The following RB1CC1 variants were observed in gnomAD, a reference collection of about 807,000 sequenced individuals.
The protein encoded by RB1CC1 is RB1-inducible coiled-coil protein 1.
In RB1CC1, 46 loss-of-function variants were observed where a neutral mutation model predicts 177.5. The observed-to-expected ratio is 0.26, with a 90% confidence interval of 0.20 to 0.33. The LOEUF (loss-of-function observed/expected upper bound fraction) is 0.33, where lower values mean the gene tolerates loss of function less well. Ranked by LOEUF, RB1CC1 falls within the 10% of genes least tolerant of loss-of-function variation. The probability of loss-of-function intolerance (pLI) is 1.00; values close to 1 mark genes in which losing one functional copy is unlikely to be tolerated. For synonymous variants in RB1CC1, 666 were observed against 613.6 expected, an observed-to-expected ratio of 1.09 and a Z score of -1.26; for missense variants, 1,703 against 1,816.3, an observed-to-expected ratio of 0.94 and a Z score of 1.13.
intron 1 of RB1CC1, among the ~76,000 whole-genome samples, chr8:52,696,430 A>G (rs1855418352): frequency 6.6e-6 from 1 of 152,220 alleles, no homozygotes; most frequent in African/African-American, 2.4e-5. Flanking sequence ...AGCCTGGAAC[A>G]TCTTAATATG....
Position 52,714,118 on chromosome 8 carries a change from C to T in RB1CC1, c.-210G>A. On this transcript the variant is annotated 5_prime_UTR_variant, in exon 1 of 24. Transcript: ENST00000025008. ...TCGCCGGCGGCAGCAGCAGAGCCAG[C>T]GACCCCCGGCACCATCTTCCGCCGC... is the stretch of plus-strand genomic sequence containing the variant. The T allele has an allele frequency of 8.9e-6, 3 of 338,376 alleles. No individual in the cohort carries two copies. Among genetic ancestry groups the T allele is most frequent in the Non-Finnish European group, 1.8e-5 (3 of 165,572 alleles). The allele number at this position is 338,376 out of a possible 1,614,324, so 21.0% of individuals were successfully genotyped here.
At position 52,660,953 on chromosome 8, in the gene RB1CC1, T is replaced by G; in HGVS notation, c.1600A>C (p.Lys534Gln). The G allele has an allele frequency of 6.2e-7, 1 of 1,613,054 alleles. No homozygotes were observed. The highest frequency in any genetic ancestry group is 8.5e-7 in the Non-Finnish European group (1 of 1,179,382). ...AATAATTTCCCAAAGGATTCCCTTT[T>G]TGATTTTTCTGCTTCATATAATCTC... The part of the protein sequence containing the change: ...GKRLYEAEKS[K>Q]RESFGKLFRK... The change falls in exon 11 of 24, where the codon AAA becomes CAA. Residue 534 changes from lysine to glutamine, a missense_variant. Coordinates refer to ENST00000025008, the MANE Select transcript of RB1CC1 (RefSeq NM_014781.5).
At chr8:52,677,818 TAAC>T (rs1369487862) in intron 5 of RB1CC1, among the ~76,000 whole-genome samples, 1 of 152,030 alleles carries the variant, frequency 6.6e-6, no homozygotes, top group Non-Finnish European at 1.5e-5. Context: ...AATTATGAAA[TAAC>T]AAATAAAATG....
At chr8:52,625,954 C>T (rs939684131) in intron 22 of RB1CC1, among the ~76,000 whole-genome samples, 5 of 151,986 alleles carry the variant, frequency 3.3e-5, no homozygotes, top group African/African-American at 7.3e-5. Context: ...AAAGATATCC[C>T]AAATAAATAA....
intron 18 of RB1CC1, 126 bp from the exon 19 acceptor site, chr8:52,636,195 T>A: frequency 1.9e-6 from 2 of 1,069,218 alleles, no homozygotes; most frequent in Non-Finnish European, 2.6e-6. Context: ...TTTTCAAAAG[T>A]AGCTTATTTC....
chr8:52,700,240 A>G (rs1855925606), intron 1 of RB1CC1, among the ~76,000 whole-genome samples: 2 of 152,154 alleles, frequency 1.3e-5, no homozygotes, highest in Non-Finnish European at 2.9e-5. Flanking sequence ...ACTATGTCTC[A>G]AAGAAAATCA....
At chr8:52,701,971 C>T (rs1304264386) in intron 1 of RB1CC1, among the ~76,000 whole-genome samples, 2 of 151,960 alleles carry the variant, frequency 1.3e-5, no homozygotes, top group African/African-American at 4.8e-5. Flanking sequence ...CCACGTCCAG[C>T]TCATTTTTGT....
At chr8:52,659,312 G>A (rs972090809) in intron 12 of RB1CC1, among the ~76,000 whole-genome samples, 1 of 151,900 alleles carries the variant, frequency 6.6e-6, no homozygotes, top group South Asian at 2.1e-4. Flanking sequence ...AAGTGTGTGC[G>A]TATATATATA....
chr8:52,696,263 C>T (rs62501677), intron 1 of RB1CC1, among the ~76,000 whole-genome samples: 28,186 of 151,714 alleles, frequency 0.19, 2,794 homozygotes, highest in Middle Eastern at 0.26. Context: ...AGGATGGTCT[C>T]GAACTCCTGA....
intron 21 of RB1CC1, among the ~76,000 whole-genome samples, chr8:52,628,586 GTGCTCT>G (rs1848551038): frequency 6.6e-6 from 1 of 152,130 alleles, no homozygotes; most frequent in Non-Finnish European, 1.5e-5. Context: ...TCCAAGCGTA[GTGCTCT>G]TCAATTTACA....
intron 7 of RB1CC1, among the ~76,000 whole-genome samples, chr8:52,669,237 ATAAAGG>A (rs1322577672): frequency 6.6e-6 from 1 of 152,354 alleles, no homozygotes; most frequent in East Asian, 1.9e-4. Context: ...GTAGAATATA[ATAAAGG>A]CTTCATTGAT....
At position 52,623,579 on chromosome 8, in the gene RB1CC1, C is replaced by T. The variant is rs1001996467; in HGVS notation, c.*203G>A. On this transcript the variant is annotated 3_prime_UTR_variant, in exon 24 of 24. Coordinates refer to ENST00000025008, the MANE Select transcript of RB1CC1 (RefSeq NM_014781.5). ...AAAAAAAAAACCAAAAAACAAAAAC[C>T]ATTTTAATTCAGCCAAGGATTCTGA... 1 of 579,846 alleles carries T rather than the reference C, an allele frequency of 1.7e-6. No individual in the cohort carries two copies. The highest frequency in any genetic ancestry group is 2.7e-5 in the Admixed American group (1 of 37,196). The allele number at this position is 579,846 out of a possible 1,614,324, so 35.9% of individuals were successfully genotyped here. A position where few individuals can be genotyped will look rare whatever the true frequency, so the allele number is the denominator to read the frequency against.
In RB1CC1 at chr8:52,656,307, T is replaced by C; in HGVS notation, c.3522A>G (p.Glu1174=). 20 of 1,613,192 alleles carry C rather than the reference T, an allele frequency of 1.2e-5. No homozygotes were observed. The highest frequency in any genetic ancestry group is 1.5e-5 in the Non-Finnish European group (18 of 1,179,792). The change falls in exon 15 of 24, where the codon GAA becomes GAG. Residue 1174 remains glutamate (E), a synonymous_variant. Transcript: ENST00000025008. The part of the protein sequence containing the change: ...QAFEIEKNLK[E]QIIELQSKLD... Reference sequence around the variant, plus strand: ...ATTTACTCTGCAGTTCAATTATTTGTTCTTTTAGGTTTTTTTCTATTTCAA... The same window carrying C: ...ATTTACTCTGCAGTTCAATTATTTGCTCTTTTAGGTTTTTTTCTATTTCAA...
At chr8:52,678,118 G>A (rs2150572208) in intron 5 of RB1CC1, among the ~76,000 whole-genome samples, 1 of 152,176 alleles carries the variant, frequency 6.6e-6, no homozygotes, top group Admixed American at 6.5e-5. Flanking sequence ...AATGAAAAAG[G>A]AATAATATAT....
chr8:52,683,012 T>A (rs1360409215), intron 5 of RB1CC1, among the ~76,000 whole-genome samples: 7 of 152,166 alleles, frequency 4.6e-5, no homozygotes, highest in Non-Finnish European at 1.0e-4. Context: ...TTTCCATGAT[T>A]AAAAGAAAAA....
intron 6 of RB1CC1, among the ~76,000 whole-genome samples, chr8:52,674,742 G>A (rs1050017314): frequency 2.4e-4 from 36 of 148,450 alleles, no homozygotes; most frequent in African/African-American, 6.7e-4. Context: ...CACTCCAGCC[G>A]CCTGGGTGAC....
At chr8:52,651,061 C>A (rs1390821598) in intron 15 of RB1CC1, among the ~76,000 whole-genome samples, 2 of 152,082 alleles carry the variant, frequency 1.3e-5, no homozygotes, top group Admixed American at 6.5e-5. Context: ...AAAGCAATTA[C>A]AGAATCTTTA....
intron 7 of RB1CC1, among the ~76,000 whole-genome samples, chr8:52,671,742 G>A (rs1271395070): frequency 6.6e-6 from 1 of 152,094 alleles, no homozygotes; most frequent in Non-Finnish European, 1.5e-5. Context: ...TACACGTGCA[G>A]CATGTGCTGG....
chr8:52,657,533 A>G lies in RB1CC1; in HGVS notation c.2296T>C (p.Ser766Pro), dbSNP rs1251534906. 6.2e-7 allele frequency: 1 copy of G among 1,614,040 alleles called. No homozygotes were observed. The highest frequency in any genetic ancestry group is 8.5e-7 in the Non-Finnish European group (1 of 1,180,002). The part of the protein sequence containing the change: ...SPEMMVESLY[S>P]SVINAIDSRR... ...CTGTCTATCGCATTGATAACTGATG[A>G]ATAAAGTGATTCCACCATCATTTCT... is the stretch of plus-strand genomic sequence containing the variant. Residue 766 changes from serine (S) to proline (P), a missense_variant, in exon 15 of 24, where the codon TCA becomes CCA. Coordinates refer to ENST00000025008, the MANE Select transcript of RB1CC1 (RefSeq NM_014781.5).
Sources: allele counts gnomAD v4.1 joint callset (sites outside exome capture counted in the v4.1 genomes callset), GRCh38; gene constraint gnomAD v4.1.1; transcripts MANE v1.5; gene names NCBI Gene and HGNC (gene_info 2026-07-23, HGNC 2026-07-21).